C16orf78: variants seen among roughly 807,000 people sequenced by gnomAD.
C16orf78 encodes the protein chromosome 16 open reading frame 78.
Under a neutral mutation model 27.3 loss-of-function variants are expected in C16orf78, and 19 were observed. The observed-to-expected ratio is 0.70, with a 90% CI of 0.49 to 1.02. The LOEUF (loss-of-function observed/expected upper bound fraction) is 1.02, where lower values mean the gene tolerates loss of function less well. Among genes scored for constraint, C16orf78 ranks in the 50% least tolerant of loss-of-function variants. C16orf78 has a pLI of 0.00. For synonymous variants in C16orf78, 130 were observed against 116.1 expected, an observed-to-expected ratio of 1.12 and a Z score of -0.77; for missense variants, 339 against 337.0, an observed-to-expected ratio of 1.01 and a Z score of -0.05.
rs529800222 is a variant in C16orf78 at position 49,382,418 on chromosome 16, AAAATAAAT to A, written c.394+3846_394+3853del. Among the ~76,000 whole-genome samples the A allele has an allele frequency of 3.8e-3, 582 of 151,528 alleles. 6 individuals are homozygous for A. Among genetic ancestry groups the A allele is most frequent in the Middle Eastern group, 0.031 (9 of 292 alleles). Reference sequence around the variant, plus strand: ...ACCCTAAAACTTAAAGTATAATAATAAAATAAATAAATAAATAAATAAATAAATTTAAA... The same window carrying A: ...ACCCTAAAACTTAAAGTATAATAATAAAATAAATAAATAAATAAATTTAAA... On this transcript the variant is annotated intron_variant, in intron 3 of 4. Coordinates refer to ENST00000299191, the MANE Select transcript of C16orf78 (RefSeq NM_144602.4).
At chr16:49,395,356 T>C (rs1942618308) in intron 3 of C16orf78, among the ~76,000 whole-genome samples, 1 of 152,160 alleles carries the variant, frequency 6.6e-6, no homozygotes, top group South Asian at 2.1e-4. Context: ...GTGTCCAAGC[T>C]CTAGTCCAAC....
intron 3 of C16orf78, among the ~76,000 whole-genome samples, chr16:49,389,963 T>C (rs1459524751): frequency 6.6e-6 from 1 of 152,214 alleles, no homozygotes; most frequent in East Asian, 1.9e-4. Flanking sequence ...TAAATTCATA[T>C]AGCTTTTGTA....
chr16:49,377,451 G>A (rs1032696532), intron 1 of C16orf78, among the ~76,000 whole-genome samples: 1 of 152,162 alleles, frequency 6.6e-6, no homozygotes, highest in African/African-American at 2.4e-5. Flanking sequence ...TAGGGAGTGA[G>A]GCCCTTATGT....
intron 1 of C16orf78, among the ~76,000 whole-genome samples, chr16:49,374,923 T>C (rs1040715151): frequency 1.5e-4 from 23 of 152,282 alleles, no homozygotes; most frequent in Admixed American, 7.8e-4. Context: ...GTCTTGAATC[T>C]CCTGACCCTA....
In C16orf78 at chr16:49,399,246, G is replaced by T. The variant is rs375977332; in HGVS notation, c.766G>T (p.Val256Leu). The T allele has an allele frequency of 1.9e-6, 3 of 1,614,050 alleles. No individual in the cohort carries two copies. Among genetic ancestry groups the T allele is most frequent in the African/African-American group, 2.7e-5 (2 of 74,922 alleles). ...MVEEDIDAKK[V>L]FTGIPSMAL Reference sequence around the variant, plus strand: ...CGAAGAGGACATAGATGCTAAAAAGGTGTTCACCGGAATACCCAGCATGGC... The same window carrying T: ...CGAAGAGGACATAGATGCTAAAAAGTTGTTCACCGGAATACCCAGCATGGC... Residue 256 changes from valine (V) to leucine (L), a missense_variant, in exon 5 of 5, where the codon GTG becomes TTG. By Grantham distance (32) the Val-to-Leu change is conservative (BLOSUM62 1). Coordinates refer to ENST00000299191, the MANE Select transcript of C16orf78 (RefSeq NM_144602.4).
chr16:49,391,850 A>G (rs1299100065), intron 3 of C16orf78, among the ~76,000 whole-genome samples: 1 of 152,190 alleles, frequency 6.6e-6, no homozygotes, highest in Non-Finnish European at 1.5e-5. Flanking sequence ...TATTTGTGTC[A>G]AAGAGAATGT....
intron 4 of C16orf78, among the ~76,000 whole-genome samples, chr16:49,397,648 G>T (rs539638087): frequency 1.3e-5 from 2 of 152,192 alleles, no homozygotes; most frequent in East Asian, 1.9e-4. Flanking sequence ...GTTCCATGGT[G>T]GGGGGAAAGA....
At chr16:49,390,974 T>C (rs1245358358) in intron 3 of C16orf78, among the ~76,000 whole-genome samples, 1 of 152,212 alleles carries the variant, frequency 6.6e-6, no homozygotes, top group Non-Finnish European at 1.5e-5. Context: ...TTGTGTGTTG[T>C]CCGATGTCTT....
At chr16:49,379,358 G>A (rs763409615) in intron 3 of C16orf78, among the ~76,000 whole-genome samples, 1 of 151,792 alleles carries the variant, frequency 6.6e-6, no homozygotes, top group Non-Finnish European at 1.5e-5. Flanking sequence ...GGCCCCTTGG[G>A]ACAAAGGTGT....
chr16:49,392,236 G>C (rs533450322), intron 3 of C16orf78, among the ~76,000 whole-genome samples: 2 of 152,306 alleles, frequency 1.3e-5, no homozygotes, highest in East Asian at 3.9e-4. Flanking sequence ...GCATTACTAA[G>C]AGTAAAGACC....
At chr16:49,385,584 G>T (rs1209092865) in intron 3 of C16orf78, among the ~76,000 whole-genome samples, 1 of 151,710 alleles carries the variant, frequency 6.6e-6, no homozygotes, top group African/African-American at 2.4e-5. Context: ...GAACCTGGGA[G>T]GCAGAGGTTG....
chr16:49,398,841 C>T (rs961438802), intron 4 of C16orf78, among the ~76,000 whole-genome samples: 2 of 152,190 alleles, frequency 1.3e-5, no homozygotes, highest in African/African-American at 4.8e-5. Flanking sequence ...GACTCCTCTT[C>T]TTGGGATATA....
rs1965241287 is a variant in C16orf78 at position 49,377,940 on chromosome 16, C to T, written c.270+90C>T. ...TTCTCTCCTGCATAATGCCTGCCTA[C>T]TTTCTAAATTTCAAGGCTCCGAAAT... is the stretch of plus-strand genomic sequence containing the variant. On this transcript the variant is annotated intron_variant, in intron 2 of 4. Coordinates refer to ENST00000299191, the MANE Select transcript of C16orf78 (RefSeq NM_144602.4). The T allele has an allele frequency of 4.1e-6, 6 of 1,474,450 alleles. No homozygotes were observed. In the East Asian group the frequency reaches 7.5e-5, roughly 18 times the overall value. The allele number at this position is 1,474,450 out of a possible 1,614,324, so 91.3% of individuals were successfully genotyped here. A position where few individuals can be genotyped will look rare whatever the true frequency, so the allele number is the denominator to read the frequency against.
intron 4 of C16orf78, among the ~76,000 whole-genome samples, chr16:49,397,626 C>G (rs374058957): frequency 1.3e-5 from 2 of 152,186 alleles, no homozygotes; most frequent in Non-Finnish European, 2.9e-5. Context: ...GGGCAACAGA[C>G]AGCCTACCCG....
chr16:49,381,968 T>C (rs1965292036), intron 3 of C16orf78, among the ~76,000 whole-genome samples: 1 of 151,692 alleles, frequency 6.6e-6, no homozygotes. Flanking sequence ...TGCACACATA[T>C]GTTTATTGCG....
At chr16:49,382,546 C>A (rs573780371) in intron 3 of C16orf78, among the ~76,000 whole-genome samples, 1 of 152,140 alleles carries the variant, frequency 6.6e-6, no homozygotes, top group African/African-American at 2.4e-5. Flanking sequence ...CCTGCCACCA[C>A]GAGATTTTTC....
At chr16:49,393,794 A>G (rs1296623830) in intron 3 of C16orf78, among the ~76,000 whole-genome samples, 1 of 152,142 alleles carries the variant, frequency 6.6e-6, no homozygotes, top group East Asian at 1.9e-4. Flanking sequence ...GGCTAAATAT[A>G]AAGCTAGCTT....
intron 3 of C16orf78, among the ~76,000 whole-genome samples, chr16:49,384,114 C>G (rs1425508399): frequency 6.6e-6 from 1 of 151,954 alleles, no homozygotes; most frequent in African/African-American, 2.4e-5. Context: ...TTTGGGAGGC[C>G]AAGGCAGGTG....
chr16:49,378,357 G>A (rs1216322123), intron 2 of C16orf78, 113 bp from the exon 3 acceptor site: 1 of 1,442,356 alleles, frequency 6.9e-7, no homozygotes. Flanking sequence ...CTCCTTGGTT[G>A]CCTTTGCCTG....
Sources: allele counts gnomAD v4.1 joint callset (sites outside exome capture counted in the v4.1 genomes callset), GRCh38; gene constraint gnomAD v4.1.1; transcripts MANE v1.5; gene names NCBI Gene and HGNC (gene_info 2026-07-23, HGNC 2026-07-21).